GPHN: variants seen among roughly 807,000 people sequenced by gnomAD.
GPHN encodes gephyrin.
In GPHN, 17 loss-of-function variants were observed where a neutral mutation model predicts 95.5. The ratio of observed to expected loss-of-function variants is 0.18; its 90% CI spans 0.12 to 0.27. The LOEUF (loss-of-function observed/expected upper bound fraction) is 0.27, where lower values mean the gene tolerates loss of function less well. GPHN is among the 10% of genes least tolerant of loss of function. The probability of loss-of-function intolerance (pLI) is 1.00; values close to 1 mark genes in which losing one functional copy is unlikely to be tolerated. For synonymous variants in GPHN, 320 were observed against 322.5 expected, an observed-to-expected ratio of 0.99 and a Z score of 0.08; for missense variants, 660 against 978.1, an observed-to-expected ratio of 0.67 and a Z score of 4.34.
the GPHN span, among the ~76,000 whole-genome samples, chr14:67,382,992 G>GT: frequency 6.6e-5 from 10 of 152,126 alleles, no homozygotes; most frequent in Middle Eastern, 3.4e-3. Flanking sequence ...TGGAAGACAG[G>GT]TTTTTTTAAC....
chr14:67,177,358 G>T (rs964924474), intron 21 of GPHN, among the ~76,000 whole-genome samples: 4 of 152,184 alleles, frequency 2.6e-5, no homozygotes, highest in Admixed American at 2.6e-4. Context: ...TCAGGAGCAG[G>T]TTGTTCAGTT....
chr14:66,610,516 CT>C (rs1194817774), intron 1 of GPHN, among the ~76,000 whole-genome samples: 1 of 152,104 alleles, frequency 6.6e-6, no homozygotes, highest in African/African-American at 2.4e-5. Flanking sequence ...GGCATAGGCA[CT>C]TCCTGGCTGT....
the GPHN span, chr14:67,677,362 G>A: frequency 3.8e-5 from 1 of 26,278 alleles, no homozygotes; most frequent in African/African-American, 1.1e-4. Flanking sequence ...TTGTTTTTAG[G>A]ATTTTTTTTT....
chr14:67,558,565 A>G, the GPHN span, among the ~76,000 whole-genome samples: 1 of 152,004 alleles, frequency 6.6e-6, no homozygotes, highest in Non-Finnish European at 1.5e-5. Context: ...GGACAAAATG[A>G]CTCCTGCTAA....
At chr14:66,618,726 T>C (rs900879094) in intron 1 of GPHN, among the ~76,000 whole-genome samples, 6 of 152,158 alleles carry the variant, frequency 3.9e-5, no homozygotes, top group African/African-American at 1.4e-4. Context: ...GAATCCTGGG[T>C]TGGAGTGTGT....
chr14:67,726,176 A>G, the GPHN span: 7 of 1,382,086 alleles, frequency 5.1e-6, no homozygotes, highest in Non-Finnish European at 7.2e-6. Flanking sequence ...TTGGGTGACT[A>G]AAAAATGAGG....
chr14:66,970,747 T>G (rs1482902736), intron 9 of GPHN, among the ~76,000 whole-genome samples: 2 of 152,232 alleles, frequency 1.3e-5, no homozygotes, highest in Non-Finnish European at 2.9e-5. Context: ...TATGTTCAGC[T>G]ATTAATGACA....
chr14:66,830,433 C>T (rs2061542821), intron 4 of GPHN, among the ~76,000 whole-genome samples: 1 of 151,888 alleles, frequency 6.6e-6, no homozygotes, highest in Non-Finnish European at 1.5e-5. Flanking sequence ...ATTTGTTGTA[C>T]ATTAAGTAAA....
At chr14:67,610,325 A>T in the GPHN span, among the ~76,000 whole-genome samples, 1 of 152,116 alleles carries the variant, frequency 6.6e-6, no homozygotes, top group Non-Finnish European at 1.5e-5. Flanking sequence ...GGCCAAGATA[A>T]CTATAAGAGG....
At chr14:66,685,838 T>C (rs1294608174) in intron 2 of GPHN, among the ~76,000 whole-genome samples, 1 of 152,238 alleles carries the variant, frequency 6.6e-6, no homozygotes, top group Non-Finnish European at 1.5e-5. Context: ...ATGTCCTGAA[T>C]GGTATTGCCT....
intron 4 of GPHN, among the ~76,000 whole-genome samples, chr14:66,861,491 A>G (rs1238082181): frequency 6.6e-6 from 1 of 152,086 alleles, no homozygotes; most frequent in Non-Finnish European, 1.5e-5. Flanking sequence ...CTATAGAACA[A>G]ATGGACCTAA....
chr14:67,316,845 G>A, the GPHN span: 2 of 1,611,422 alleles, frequency 1.2e-6, no homozygotes, highest in South Asian at 1.1e-5. Flanking sequence ...AAAGCTTTCA[G>A]CAGCAAAGGG....
chr14:67,197,898 A>C, the GPHN span, among the ~76,000 whole-genome samples: 3 of 152,090 alleles, frequency 2.0e-5, no homozygotes, highest in African/African-American at 7.2e-5. Context: ...ATCATCCAAC[A>C]TCTTGTCTGA....
At chr14:66,904,777 G>C (rs1297424733) in intron 5 of GPHN, among the ~76,000 whole-genome samples, 1 of 152,118 alleles carries the variant, frequency 6.6e-6, no homozygotes, top group Non-Finnish European at 1.5e-5. Flanking sequence ...GGTTGGTCCA[G>C]GGGTCCTCGG....
chr14:67,711,287 A>G, the GPHN span, among the ~76,000 whole-genome samples: 2 of 152,214 alleles, frequency 1.3e-5, no homozygotes, highest in Admixed American at 6.5e-5. Flanking sequence ...TCTAATCCCT[A>G]TGCCAAATTT....
At chr14:67,151,530 A>G (rs1399623416) in intron 18 of GPHN, among the ~76,000 whole-genome samples, 2 of 152,256 alleles carry the variant, frequency 1.3e-5, no homozygotes, top group Admixed American at 1.3e-4. Context: ...AAACAGAACC[A>G]AAATGAATAC....
intron 9 of GPHN, among the ~76,000 whole-genome samples, chr14:67,001,519 A>G (rs1215208556): frequency 6.6e-6 from 1 of 151,588 alleles, no homozygotes; most frequent in Non-Finnish European, 1.5e-5. Context: ...TTCAATGGTA[A>G]TGTTCTTAAA....
the GPHN span, among the ~76,000 whole-genome samples, chr14:67,623,761 C>T: frequency 6.6e-6 from 1 of 152,000 alleles, no homozygotes; most frequent in Admixed American, 6.6e-5. Context: ...AGGCTGATCT[C>T]GAACTCCTGA....
chr14:66,860,215 A>G (rs561188243), intron 4 of GPHN, among the ~76,000 whole-genome samples: 2 of 152,280 alleles, frequency 1.3e-5, no homozygotes, highest in South Asian at 4.1e-4. Flanking sequence ...AAAGAATCCT[A>G]AAAGCACCAA....
Sources: gnomAD v4.1 joint callset for allele counts (sites outside exome capture counted in the v4.1 genomes callset) on GRCh38, gnomAD v4.1.1 for gene constraint, MANE v1.5 for transcripts, NCBI Gene and HGNC (gene_info 2026-07-23, HGNC 2026-07-21) for gene names.